The following RAP1GDS1 variants were observed in gnomAD, a reference collection of about 807,000 sequenced individuals.
The protein encoded by RAP1GDS1 is Rap1 GTPase-GDP dissociation stimulator 1.
RAP1GDS1 carries 35 observed loss-of-function variants against 71.1 expected under a neutral mutation model. The ratio of observed to expected loss-of-function variants is 0.49; its 90% CI spans 0.38 to 0.65. RAP1GDS1 has a LOEUF of 0.65. RAP1GDS1 is among the 30% of genes least tolerant of loss of function. RAP1GDS1 has a pLI of 0.00. For synonymous variants in RAP1GDS1, 229 were observed against 243.1 expected, an observed-to-expected ratio of 0.94 and a Z score of 0.54; for missense variants, 663 against 706.1, an observed-to-expected ratio of 0.94 and a Z score of 0.69.
At chr4:98,361,314 A>C (rs1031807990) in intron 4 of RAP1GDS1, among the ~76,000 whole-genome samples, 2 of 151,982 alleles carry the variant, frequency 1.3e-5, no homozygotes, top group Non-Finnish European at 2.9e-5. Flanking sequence ...AAACGTTTTG[A>C]TCTTGAACAA....
intron 4 of RAP1GDS1, among the ~76,000 whole-genome samples, chr4:98,355,787 G>A (rs190212206): frequency 1.6e-3 from 242 of 152,234 alleles, no homozygotes; most frequent in Non-Finnish European, 2.9e-3. Flanking sequence ...TTTCCTAATG[G>A]AAGAAAACGG....
intron 1 of RAP1GDS1, among the ~76,000 whole-genome samples, chr4:98,268,772 G>C (rs909707829): frequency 2.0e-5 from 3 of 152,028 alleles, no homozygotes; most frequent in Non-Finnish European, 1.5e-5. Flanking sequence ...GAAGGTGAAA[G>C]ATCTCTATGC....
At chr4:98,359,428 G>A (rs1738415396) in intron 4 of RAP1GDS1, among the ~76,000 whole-genome samples, 1 of 152,086 alleles carries the variant, frequency 6.6e-6, no homozygotes, top group Non-Finnish European at 1.5e-5. Flanking sequence ...TAGTAAAGAG[G>A]GCACTCAAAA....
intron 5 of RAP1GDS1, among the ~76,000 whole-genome samples, chr4:98,380,908 A>T (rs1685883936): frequency 6.6e-6 from 1 of 151,710 alleles, no homozygotes; most frequent in Non-Finnish European, 1.5e-5. Context: ...GTTAAAAAAA[A>T]ATCTGTATAG....
In RAP1GDS1 at chr4:98,442,060, CAA is replaced by C. The variant is rs1751950659; in HGVS notation, c.1770_1771del (p.Ser591CysfsTer29). ...VVSKLRSHEN[K>X]SVAQQASLTE... ...TATCCAAACTTCGCAGTCATGAGAA[CAA>C]AAGTGTTGCCCAGCAGGCCTCTCTC... On this transcript the variant is annotated frameshift_variant, in exon 15 of 15. Transcript: ENST00000408927. LOFTEE classifies it high-confidence loss of function. 4 of 1,613,890 alleles carry C rather than the reference CAA, an allele frequency of 2.5e-6. No homozygotes were observed.
At chr4:98,278,436 A>C (rs1724552743) in intron 1 of RAP1GDS1, among the ~76,000 whole-genome samples, 2 of 152,214 alleles carry the variant, frequency 1.3e-5, no homozygotes, top group Non-Finnish European at 2.9e-5. Context: ...CTTTTTGAAA[A>C]TTAATATTTT....
rs183899736 is a variant in RAP1GDS1 at position 98,275,710 on chromosome 4, T to C, written c.4+14141T>C. The stretch of plus-strand genomic sequence containing the variant: ...CTACTTCACCTTTCCACAAGACTTT[T>C]TCTCTCTATGAATTCCCTATCTAAG... On this transcript the variant is annotated intron_variant, in intron 1 of 14. Coordinates refer to ENST00000408927, the MANE Select transcript of RAP1GDS1 (RefSeq NM_001100427.2). Among the ~76,000 whole-genome samples the C allele has an allele frequency of 6.4e-4, 98 of 152,250 alleles. 1 individual carries two copies. The East Asian group carries it at 0.016, about 25-fold the overall frequency.
intron 2 of RAP1GDS1, among the ~76,000 whole-genome samples, chr4:98,305,117 G>GTTCT (rs955540785): frequency 1.3e-5 from 2 of 152,034 alleles, no homozygotes; most frequent in Admixed American, 1.3e-4. Flanking sequence ...CTCTAGCTTT[G>GTTCT]TTCTTTTTGC....
Position 98,381,440 on chromosome 4 carries a change from G to A in RAP1GDS1, c.508+2277G>A, listed in dbSNP as rs1001806103. 7.9e-5 allele frequency among the ~76,000 whole-genome samples: 12 copies of A among 151,440 alleles called. No individual in the cohort carries two copies. In the East Asian group the frequency reaches 2.3e-3, roughly 29 times the overall value. On this transcript the variant is annotated intron_variant, in intron 5 of 14. Coordinates refer to ENST00000408927, the MANE Select transcript of RAP1GDS1 (RefSeq NM_001100427.2). ...ATGTATGTTTGGCATAATTATTAAA[G>A]CGTCTTTATTGTTTTGTCCATTATT...
intron 5 of RAP1GDS1, among the ~76,000 whole-genome samples, chr4:98,386,929 A>G (rs1057461458): frequency 6.6e-6 from 1 of 152,112 alleles, no homozygotes; most frequent in African/African-American, 2.4e-5. Context: ...CTTTTTTGGA[A>G]ATACAGATAT....
At chr4:98,284,056 C>T (rs1261969290) in intron 1 of RAP1GDS1, among the ~76,000 whole-genome samples, 4 of 152,148 alleles carry the variant, frequency 2.6e-5, no homozygotes, top group South Asian at 2.1e-4. Context: ...TGCAGACACA[C>T]GTATATCTGG....
At chr4:98,356,667 A>T (rs1428127822) in intron 4 of RAP1GDS1, among the ~76,000 whole-genome samples, 1 of 152,068 alleles carries the variant, frequency 6.6e-6, no homozygotes, top group African/African-American at 2.4e-5. Context: ...TATAGAAATA[A>T]AATGTATGCT....
At chr4:98,407,821 A>G (rs1057328889) in intron 7 of RAP1GDS1, among the ~76,000 whole-genome samples, 1 of 147,482 alleles carries the variant, frequency 6.8e-6, no homozygotes. Context: ...CACTAAAGCT[A>G]TTGAAATTTT....
chr4:98,349,574 C>T (rs1022325651), intron 3 of RAP1GDS1, among the ~76,000 whole-genome samples: 25 of 152,158 alleles, frequency 1.6e-4, no homozygotes, highest in African/African-American at 2.9e-4. Flanking sequence ...GCCATTTTCA[C>T]GATACTGATT....
At chr4:98,307,128 A>AT (rs897633360) in intron 2 of RAP1GDS1, among the ~76,000 whole-genome samples, 1,640 of 148,738 alleles carry the variant, frequency 0.011, 32 homozygotes, top group African/African-American at 0.038. Flanking sequence ...ACTTAATTGT[A>AT]TTTTTTTTTT....
chr4:98,390,312 GA>G (rs906785495), intron 5 of RAP1GDS1, among the ~76,000 whole-genome samples: 2 of 151,966 alleles, frequency 1.3e-5, no homozygotes, highest in African/African-American at 2.4e-5. Flanking sequence ...TTCATATTCA[GA>G]AAAAAATTTA....
chr4:98,322,925 C>T (rs1187518455), intron 2 of RAP1GDS1, among the ~76,000 whole-genome samples: 1 of 114,498 alleles, frequency 8.7e-6, no homozygotes, highest in Admixed American at 8.0e-5. Flanking sequence ...AAAATCAGAG[C>T]AGAACTGAAG....
intron 2 of RAP1GDS1, among the ~76,000 whole-genome samples, chr4:98,308,281 T>C (rs920551632): frequency 2.0e-4 from 25 of 124,006 alleles, no homozygotes; most frequent in South Asian, 7.9e-4. Context: ...CACACACATA[T>C]ATATACACAC....
intron 4 of RAP1GDS1, among the ~76,000 whole-genome samples, chr4:98,373,960 C>G (rs769873004): frequency 2.6e-5 from 4 of 152,120 alleles, no homozygotes; most frequent in Admixed American, 6.6e-5. Flanking sequence ...AGAGGGAGTT[C>G]ATGATTTGAA....
Sources: allele counts gnomAD v4.1 joint callset (sites outside exome capture counted in the v4.1 genomes callset), GRCh38; gene constraint gnomAD v4.1.1; transcripts MANE v1.5; gene names NCBI Gene and HGNC (gene_info 2026-07-23, HGNC 2026-07-21).